The following COG5 variants were observed in gnomAD, a reference collection of about 807,000 sequenced individuals.
The protein encoded by COG5 is component of oligomeric golgi complex 5.
COG5 carries 86 observed loss-of-function variants against 110.4 expected under a neutral mutation model. The observed-to-expected ratio is 0.78, with a 90% confidence interval of 0.65 to 0.93. The LOEUF (loss-of-function observed/expected upper bound fraction) is 0.93. Among genes scored for constraint, COG5 ranks in the 40% least tolerant of loss-of-function variants. The pLI is 0.00. For synonymous variants in COG5, 360 were observed against 334.6 expected (o/e 1.08, Z -0.83); for missense variants, 1,077 against 987.0 (o/e 1.09, Z -1.22).
At position 107,430,162 on chromosome 7, in the gene COG5, T is replaced by C. The variant is rs1793918273; in HGVS notation, c.539-17530A>G. Among the ~76,000 whole-genome samples the C allele has an allele frequency of 2.0e-5, 3 of 152,356 alleles. No homozygotes were observed. In the South Asian group the frequency reaches 6.2e-4, roughly 32 times the overall value. ...TTTGTCACTTGTGCTTTTGGTGTTT[T>C]ATCTCAGAAACCAAGGTCACAATAA... is the stretch of plus-strand genomic sequence containing the variant. On this transcript the variant is annotated intron_variant, in intron 6 of 21. Transcript: ENST00000297135.
chr7:107,349,842 G>C (rs1811980421), intron 10 of COG5, among the ~76,000 whole-genome samples: 1 of 152,084 alleles, frequency 6.6e-6, no homozygotes, highest in Non-Finnish European at 1.5e-5. Context: ...ACAGGCGTGA[G>C]CCACAGCGCC....
At chr7:107,303,350 A>C (rs1457366993) in intron 11 of COG5, among the ~76,000 whole-genome samples, 9 of 152,182 alleles carry the variant, frequency 5.9e-5, no homozygotes, top group Admixed American at 6.5e-5. Context: ...ATTAACTGTA[A>C]GTTACTTAAG....
chr7:107,351,593 A>G (rs992250383), intron 10 of COG5, among the ~76,000 whole-genome samples: 13 of 152,244 alleles, frequency 8.5e-5, no homozygotes, highest in African/African-American at 3.1e-4. Flanking sequence ...AATCTACAAT[A>G]AACTCAAACA....
chr7:107,548,705 G>GTATATT (rs1218572924), intron 3 of COG5, among the ~76,000 whole-genome samples: 1 of 152,148 alleles, frequency 6.6e-6, no homozygotes, highest in African/African-American at 2.4e-5. Flanking sequence ...TTTATGTTAT[G>GTATATT]TATATTTTAA....
intron 14 of COG5, among the ~76,000 whole-genome samples, chr7:107,279,774 A>T (rs926729486): frequency 6.6e-6 from 1 of 152,166 alleles, no homozygotes; most frequent in African/African-American, 2.4e-5. Flanking sequence ...TAATCCAATT[A>T]AAAACCAAAA....
At chr7:107,523,915 A>G (rs1185588337) in intron 6 of COG5, among the ~76,000 whole-genome samples, 3 of 152,202 alleles carry the variant, frequency 2.0e-5, no homozygotes, top group Non-Finnish European at 4.4e-5. Flanking sequence ...CATATGATCT[A>G]GACATTCCAA....
intron 3 of COG5, among the ~76,000 whole-genome samples, chr7:107,553,739 T>A (rs1252570484): frequency 6.6e-6 from 1 of 152,172 alleles, no homozygotes; most frequent in Non-Finnish European, 1.5e-5. Flanking sequence ...ATATTTTCAT[T>A]AAAAAGAGTT....
chr7:107,493,871 T>C (rs766071508), intron 6 of COG5, among the ~76,000 whole-genome samples: 12 of 152,236 alleles, frequency 7.9e-5, no homozygotes, highest in Admixed American at 1.3e-4. Flanking sequence ...ACACAGATCT[T>C]CTGCTGTTCT....
At chr7:107,480,736 C>T (rs561702014) in intron 6 of COG5, 1 of 151,800 alleles carries the variant, frequency 6.6e-6, no homozygotes, top group South Asian at 2.1e-4. Context: ...TCATAACAAG[C>T]AGAATAAATA....
intron 6 of COG5, among the ~76,000 whole-genome samples, chr7:107,473,871 A>T (rs931724215): frequency 4.6e-5 from 7 of 151,986 alleles, no homozygotes; most frequent in Non-Finnish European, 7.4e-5. Context: ...ATATCAAAAC[A>T]ATGCAAACTT....
chr7:107,430,709 A>G (rs1793971598), intron 6 of COG5, among the ~76,000 whole-genome samples: 1 of 152,252 alleles, frequency 6.6e-6, no homozygotes, highest in South Asian at 2.1e-4. Flanking sequence ...AAGTGCTGCC[A>G]TCTGTGCTAG....
chr7:107,429,783 C>T (rs1793892509), intron 6 of COG5, among the ~76,000 whole-genome samples: 2 of 152,182 alleles, frequency 1.3e-5, no homozygotes, highest in South Asian at 4.1e-4. Flanking sequence ...TTTCCCTGCA[C>T]AAGTTCTCTT....
At chr7:107,300,686 AAG>A (rs1362293519) in intron 11 of COG5, among the ~76,000 whole-genome samples, 28 of 152,180 alleles carry the variant, frequency 1.8e-4, no homozygotes, top group African/African-American at 5.1e-4. Flanking sequence ...TATAAATGGA[AAG>A]AGAGAATATT....
chr7:107,241,489 A>G (rs1440083283), intron 17 of COG5, among the ~76,000 whole-genome samples: 1 of 150,378 alleles, frequency 6.6e-6, no homozygotes, highest in East Asian at 1.9e-4. Context: ...GTCTCACTCT[A>G]TCGCCCAGGC....
chr7:107,325,762 C>G (rs564784488), intron 10 of COG5, among the ~76,000 whole-genome samples: 16 of 152,248 alleles, frequency 1.1e-4, no homozygotes, highest in African/African-American at 3.6e-4. Context: ...GACAAGTGAA[C>G]AAAATGACCA....
intron 12 of COG5, among the ~76,000 whole-genome samples, chr7:107,289,977 A>C (rs1390660944): frequency 6.6e-6 from 1 of 152,218 alleles, no homozygotes; most frequent in Non-Finnish European, 1.5e-5. Flanking sequence ...GGAAGGCCAC[A>C]TCTCTCTCCA....
At chr7:107,362,445 T>C (rs1467073375) in intron 8 of COG5, 25 bp from the exon 9 acceptor site, 1 of 1,532,118 alleles carries the variant, frequency 6.5e-7, no homozygotes, top group Admixed American at 1.7e-5. Context: ...GAAAGAACAA[T>C]GAAAAATAAA....
At position 107,527,480 on chromosome 7, in the gene COG5, T is replaced by C. The variant is rs113736189; in HGVS notation, c.418-123A>G. On this transcript the variant is annotated intron_variant, in intron 5 of 21. Coordinates refer to ENST00000297135, the MANE Select transcript of COG5 (RefSeq NM_006348.5). ...AACCACCATGGCACATGTTTACCTA[T>C]GTAACAAACCTGCACATGTATCCCG... 4,739 of 1,041,158 alleles carry C rather than the reference T, an allele frequency of 4.6e-3. 145 individuals are homozygous for C. The African/African-American group carries it at 0.062, about 14-fold the overall frequency. 64.5% of individuals were successfully genotyped at this position (1,041,158 alleles called of 1,614,324 possible).
chr7:107,435,378 C>T (rs983102012), intron 6 of COG5, among the ~76,000 whole-genome samples: 5 of 151,812 alleles, frequency 3.3e-5, no homozygotes, highest in South Asian at 2.1e-4. Flanking sequence ...TCTGGCCAGG[C>T]GCGGTGGCTC....
Sources: gnomAD v4.1 joint callset for allele counts (sites outside exome capture counted in the v4.1 genomes callset) on GRCh38, gnomAD v4.1.1 for gene constraint, MANE v1.5 for transcripts, NCBI Gene and HGNC (gene_info 2026-07-23, HGNC 2026-07-21) for gene names.